The following ARMC2 variants were observed in gnomAD, a reference collection of about 807,000 sequenced individuals.
The protein encoded by ARMC2 is armadillo repeat containing 2.
Under a neutral mutation model 90.3 loss-of-function variants are expected in ARMC2, and 67 were observed. The observed-to-expected ratio is 0.74, with a 90% CI of 0.61 to 0.91. The LOEUF (loss-of-function observed/expected upper bound fraction) is 0.91. ARMC2 is among the 40% of genes least tolerant of loss of function. The pLI is 0.00. For missense variants in ARMC2, 920 were observed against 1,030.9 expected, an observed-to-expected ratio of 0.89 and a Z score of 1.47; for synonymous variants, 393 against 393.0, an observed-to-expected ratio of 1.00 and a Z score of 0.00.
the ARMC2 span, chr6:108,998,777 A>G: frequency 1.3e-6 from 2 of 1,588,090 alleles, no homozygotes; most frequent in Non-Finnish European, 1.7e-6. Context: ...AAAAAAAAAG[A>G]ATATATTTTT....
In ARMC2 at chr6:108,953,321, G is replaced by C. The variant is rs530423072; in HGVS notation, c.1885G>C (p.Gly629Arg). The C allele has an allele frequency of 6.2e-7, 1 of 1,608,022 alleles. No homozygotes were observed. Among genetic ancestry groups the C allele is most frequent in the Admixed American group, 1.7e-5 (1 of 59,978 alleles). Residue 629 changes from glycine to arginine, a missense_variant, in exon 13 of 18, where the codon GGG (glycine) becomes CGG (arginine). Coordinates refer to ENST00000392644, the MANE Select transcript of ARMC2 (RefSeq NM_032131.6). ...GVGPVLAANP[G>R]IVGLLLTTLE... ...GGGCCCGGTGCTGGCCGCCAACCCG[G>C]GGATAGTGGGCCTGCTCCTGACCAC...
intron 15 of ARMC2, 34 bp downstream of exon 15, chr6:108,962,161 A>C: frequency 6.7e-7 from 1 of 1,498,508 alleles, no homozygotes; most frequent in Non-Finnish European, 9.2e-7. Flanking sequence ...ATAAACATTC[A>C]CTTTTTGCCA....
In ARMC2 at chr6:108,868,932, CG is replaced by C; in HGVS notation, c.401del (p.Arg134ProfsTer33). ...TAGAAGAGTAAGCAACGCCAGGGCT[CG>C]CTTATTCAGGGCTGCCTCCCAGCGG... The part of the protein sequence containing the change: ...KIRRVSNARA[R>X]LFRAASQRAL... On this transcript the variant is annotated frameshift_variant, in exon 4 of 18. Coordinates refer to ENST00000392644, the MANE Select transcript of ARMC2 (RefSeq NM_032131.6). LOFTEE classifies it high-confidence loss of function. 6.2e-7 allele frequency: 1 copy of C among 1,613,944 alleles called. No individual in the cohort carries two copies. The highest frequency in any genetic ancestry group is 8.5e-7 in the Non-Finnish European group (1 of 1,179,882).
the ARMC2 span, among the ~76,000 whole-genome samples, chr6:108,985,278 G>C: frequency 4.0e-5 from 6 of 149,302 alleles, no homozygotes; most frequent in Admixed American, 4.0e-4. Flanking sequence ...TCCCAAATAC[G>C]GCCAAAACAA....
At chr6:108,898,601 T>A (rs1459273853) in intron 6 of ARMC2, among the ~76,000 whole-genome samples, 1 of 152,230 alleles carries the variant, frequency 6.6e-6, no homozygotes, top group Non-Finnish European at 1.5e-5. Context: ...ATAATCATAA[T>A]TTGCAGTTTC....
In ARMC2 at chr6:108,974,456, A is replaced by G. The variant is rs1778940511; in HGVS notation, c.*942A>G. The G allele has an allele frequency of 6.6e-6, 1 of 152,222 alleles. No individual in the cohort carries two copies. Among genetic ancestry groups the G allele is most frequent in the Non-Finnish European group, 1.5e-5 (1 of 68,046 alleles). The allele number at this position is 152,222 out of a possible 1,614,324, so 9.4% of individuals were successfully genotyped here. On this transcript the variant is annotated 3_prime_UTR_variant, in exon 18 of 18. Coordinates refer to ENST00000392644, the MANE Select transcript of ARMC2 (RefSeq NM_032131.6). Reference sequence around the variant, plus strand: ...TTTGTAGGATGAGTTTGGCCTTTGAATAAATGATTAAAGAGCAAAAGATTG... The same window carrying G: ...TTTGTAGGATGAGTTTGGCCTTTGAGTAAATGATTAAAGAGCAAAAGATTG...
At chr6:108,994,347 A>T in the ARMC2 span, 1 of 767,750 alleles carries the variant, frequency 1.3e-6, no homozygotes, top group Non-Finnish European at 2.0e-6. Flanking sequence ...CCTATGCAAT[A>T]GTCTCTCTAA....
chr6:108,953,007 T>C, intron 12 of ARMC2, 26 bp from the exon 13 acceptor site: 2 of 1,574,940 alleles, frequency 1.3e-6, no homozygotes, highest in Non-Finnish European at 1.7e-6. Context: ...CTTTGCACTT[T>C]TGACTCTGTC....
chr6:108,994,448 A>G, the ARMC2 span: 1 of 1,602,236 alleles, frequency 6.2e-7, no homozygotes, highest in Non-Finnish European at 8.5e-7. Context: ...TGACTATATA[A>G]TGGTTGTTCT....
At chr6:108,915,854 T>C (rs941133673) in intron 10 of ARMC2, among the ~76,000 whole-genome samples, 3 of 151,958 alleles carry the variant, frequency 2.0e-5, no homozygotes, top group African/African-American at 7.3e-5. Context: ...GGCAGAAAGA[T>C]GAATGTGCAC....
rs747053268 is a variant in ARMC2 at position 108,937,840 on chromosome 6, GT to G, written c.1596+842del. On this transcript the variant is annotated intron_variant, in intron 12 of 17. Coordinates refer to ENST00000392644, the MANE Select transcript of ARMC2 (RefSeq NM_032131.6). The stretch of plus-strand genomic sequence containing the variant: ...CTCCCGAGTAGCTGGGACTACAGGC[GT>G]GCCACCACACCTGGCTAATTTTGTT... 3.0e-4 allele frequency among the ~76,000 whole-genome samples: 46 copies of G among 152,010 alleles called. No homozygotes were observed. The Middle Eastern group carries it at 0.014, about 45-fold the overall frequency.
chr6:108,923,675 A>AG (rs1774828705), intron 10 of ARMC2, among the ~76,000 whole-genome samples: 1 of 144,810 alleles, frequency 6.9e-6, no homozygotes, highest in Non-Finnish European at 1.5e-5. Flanking sequence ...CTGAGCATTC[A>AG]GGGCCCCACC....
At chr6:108,973,188 A>G (rs955360431) in intron 17 of ARMC2, among the ~76,000 whole-genome samples, 169 bp from the exon 18 acceptor site, 4 of 152,130 alleles carry the variant, frequency 2.6e-5, no homozygotes, top group Non-Finnish European at 5.9e-5. Flanking sequence ...AAAATGATGT[A>G]TTCATAAAGA....
chr6:108,961,479 C>A, intron 13 of ARMC2, 93 bp from the exon 14 acceptor site: 2 of 1,387,380 alleles, frequency 1.4e-6, no homozygotes, highest in South Asian at 1.4e-5. Context: ...GTGATCGCAG[C>A]CGGCTCCTGG....
chr6:108,985,677 C>A, the ARMC2 span, among the ~76,000 whole-genome samples: 22 of 152,104 alleles, frequency 1.4e-4, no homozygotes, highest in African/African-American at 4.8e-4. Flanking sequence ...CACTCTACTG[C>A]TGATTAGAAT....
At chr6:108,885,368 G>T (rs1777985005) in intron 5 of ARMC2, among the ~76,000 whole-genome samples, 1 of 152,068 alleles carries the variant, frequency 6.6e-6, no homozygotes, top group Admixed American at 6.5e-5. Flanking sequence ...AAGTGTTTGT[G>T]TATAGCTGTT....
chr6:108,890,310 T>G (rs1238473869), intron 5 of ARMC2, among the ~76,000 whole-genome samples: 5 of 150,972 alleles, frequency 3.3e-5, no homozygotes, highest in Admixed American at 2.0e-4. Flanking sequence ...CAATAAGATT[T>G]GACTCTGGAC....
At chr6:108,998,667 G>A in the ARMC2 span, 2 of 1,613,856 alleles carry the variant, frequency 1.2e-6, no homozygotes, top group African/African-American at 1.3e-5. Flanking sequence ...GAATGTGAAT[G>A]AGGCAAGAGA....
the ARMC2 span, chr6:108,987,560 G>T: frequency 6.3e-7 from 1 of 1,594,452 alleles, no homozygotes. Flanking sequence ...CATATAGCGG[G>T]TAATGGCTCT....
Sources: allele counts gnomAD v4.1 joint callset (sites outside exome capture counted in the v4.1 genomes callset), GRCh38; gene constraint gnomAD v4.1.1; transcripts MANE v1.5; gene names NCBI Gene and HGNC (gene_info 2026-07-23, HGNC 2026-07-21).